The following PMFBP1 variants were observed in gnomAD, a reference collection of about 807,000 sequenced individuals.
PMFBP1 encodes polyamine modulated factor 1 binding protein 1, also known as polyamine-modulated factor 1-binding protein 1.
PMFBP1 carries 131 observed loss-of-function variants against 137.8 expected under a neutral mutation model. The ratio of observed to expected loss-of-function variants is 0.95; its 90% CI spans 0.82 to 1.10. PMFBP1 has a LOEUF of 1.10. Among genes scored for constraint, PMFBP1 ranks in the 50% least tolerant of loss-of-function variants. The pLI is 0.00. For missense variants in PMFBP1, 1,199 were observed against 1,175.4 expected (o/e 1.02, Z -0.29); for synonymous variants, 490 against 450.4 (o/e 1.09, Z -1.11).
intron 4 of PMFBP1, among the ~76,000 whole-genome samples, chr16:72,151,434 C>T (rs2042901904): frequency 6.6e-6 from 1 of 152,170 alleles, no homozygotes; most frequent in South Asian, 2.1e-4. Flanking sequence ...CATATGCTCA[C>T]CCCTCAAAGA....
intron 4 of PMFBP1, 94 bp from the exon 5 acceptor site, chr16:72,150,923 T>C: frequency 1.9e-6 from 2 of 1,074,706 alleles, no homozygotes; most frequent in South Asian, 2.5e-5. Context: ...AAGTCTTGTA[T>C]CTGAACCAGA....
the PMFBP1 span, among the ~76,000 whole-genome samples, chr16:72,217,996 G>C: frequency 1.3e-5 from 2 of 152,178 alleles, no homozygotes; most frequent in East Asian, 3.8e-4. Context: ...AGGAAGAAAT[G>C]CACAGTAGCT....
the PMFBP1 span, among the ~76,000 whole-genome samples, chr16:72,215,886 G>A: frequency 6.6e-6 from 1 of 152,332 alleles, no homozygotes; most frequent in African/African-American, 2.4e-5. Context: ...CTTTGTTTTT[G>A]TCAGGAAGAG....
chr16:72,231,224 C>G, the PMFBP1 span, among the ~76,000 whole-genome samples: 1 of 152,098 alleles, frequency 6.6e-6, no homozygotes, highest in African/African-American at 2.4e-5. Context: ...GGATCATTTA[C>G]GAAAGCCTAT....
chr16:72,163,169 T>C (rs1479786504), intron 3 of PMFBP1, among the ~76,000 whole-genome samples: 1 of 152,140 alleles, frequency 6.6e-6, no homozygotes, highest in African/African-American at 2.4e-5. Flanking sequence ...CAGCAACAGG[T>C]CTGTGCAGCT....
At chr16:72,227,128 ATTGTAAAGAC>A in the PMFBP1 span, among the ~76,000 whole-genome samples, 1,715 of 152,282 alleles carry the variant, frequency 0.011, 12 homozygotes, top group Non-Finnish European at 0.017. Context: ...GTTTTTAGGA[ATTGTAAAGAC>A]TACTTAGCTT....
intron 5 of PMFBP1, among the ~76,000 whole-genome samples, chr16:72,146,817 G>T (rs2042814405): frequency 6.6e-6 from 1 of 152,244 alleles, no homozygotes; most frequent in South Asian, 2.1e-4. Flanking sequence ...CAACTTACAA[G>T]GGATGTGAAG....
the PMFBP1 span, among the ~76,000 whole-genome samples, chr16:72,186,573 T>A: frequency 5.9e-5 from 9 of 152,112 alleles, no homozygotes; most frequent in Non-Finnish European, 1.3e-4. Context: ...GAGAGACACA[T>A]CAACAATTGC....
downstream of PMFBP1, among the ~76,000 whole-genome samples, chr16:72,116,734 T>C (rs1188622589): frequency 1.3e-5 from 2 of 152,198 alleles, no homozygotes; most frequent in Non-Finnish European, 2.9e-5. Flanking sequence ...GCACCATTTG[T>C]TGGAAAACTA....
At chr16:72,135,376 TTTG>T (rs1296198130) in intron 9 of PMFBP1, among the ~76,000 whole-genome samples, 79 of 148,190 alleles carry the variant, frequency 5.3e-4, no homozygotes, top group South Asian at 4.9e-3. Context: ...TTTTTTTTTT[TTTG>T]TTGTTGTTGT....
At position 72,123,540 on chromosome 16, in the gene PMFBP1, A is replaced by T; in HGVS notation, c.2693+6T>A. On this transcript the variant is annotated splice_donor_region_variant and intron_variant, in intron 18 of 20. Coordinates refer to ENST00000237353, the MANE Select transcript of PMFBP1 (RefSeq NM_031293.3). ...ACCCTGCCTCCCTTTTTCCTCCCAT[A>T]CTCACTTCTGCTGTTTTGCCCATTG... 1 of 1,612,744 alleles carries T rather than the reference A, an allele frequency of 6.2e-7. No homozygotes were observed. Among genetic ancestry groups the T allele is most frequent in the Non-Finnish European group, 8.5e-7 (1 of 1,179,376 alleles).
the PMFBP1 span, among the ~76,000 whole-genome samples, chr16:72,203,532 G>C: frequency 6.6e-6 from 1 of 152,214 alleles, no homozygotes; most frequent in East Asian, 1.9e-4. Context: ...AATGTGGAAG[G>C]GGAAGTGAGT....
chr16:72,188,893 C>G, the PMFBP1 span, among the ~76,000 whole-genome samples: 4 of 152,180 alleles, frequency 2.6e-5, no homozygotes, highest in Non-Finnish European at 5.9e-5. Flanking sequence ...TTGCAGAGAC[C>G]TGCCTTGTGC....
chr16:72,172,289 G>C (rs2043229705), upstream of PMFBP1: 1 of 151,882 alleles, frequency 6.6e-6, no homozygotes, highest in African/African-American at 2.4e-5. Flanking sequence ...GGTGGGGACA[G>C]GCTAGGTGAT....
chr16:72,209,622 A>G, the PMFBP1 span, among the ~76,000 whole-genome samples: 1 of 152,190 alleles, frequency 6.6e-6, no homozygotes, highest in Non-Finnish European at 1.5e-5. Context: ...TTTCTAAAAT[A>G]TAATAACAAA....
chr16:72,117,135 A>G (rs2042316416), downstream of PMFBP1, among the ~76,000 whole-genome samples: 1 of 151,760 alleles, frequency 6.6e-6, no homozygotes, highest in Non-Finnish European at 1.5e-5. Context: ...CTTTCAATCC[A>G]TGAACATGGG....
chr16:72,128,511 G>C (rs745797914), intron 14 of PMFBP1, 146 bp downstream of exon 14: 7 of 1,557,262 alleles, frequency 4.5e-6, no homozygotes, highest in Non-Finnish European at 3.5e-6. Context: ...CCAATGGGGA[G>C]GGAAGTAGAG....
At chr16:72,153,921 T>TACAC (rs3223525) in intron 4 of PMFBP1, among the ~76,000 whole-genome samples, 5,587 of 133,946 alleles carry the variant, frequency 0.042, 147 homozygotes, top group African/African-American at 0.079. Flanking sequence ...GATGGACTTA[T>TACAC]ACACACACAC....
At chr16:72,118,735 G>A (rs2042333185), downstream of PMFBP1, among the ~76,000 whole-genome samples, 1 of 146,638 alleles carries the variant, frequency 6.8e-6, no homozygotes, top group Non-Finnish European at 1.5e-5. Flanking sequence ...GTTAGAAGGA[G>A]GAATGGAATG....
Sources: gnomAD v4.1 joint callset for allele counts (sites outside exome capture counted in the v4.1 genomes callset) on GRCh38, gnomAD v4.1.1 for gene constraint, MANE v1.5 for transcripts, NCBI Gene and HGNC (gene_info 2026-07-23, HGNC 2026-07-21) for gene names.